DPP6: variants seen among roughly 807,000 people sequenced by gnomAD.
The protein encoded by DPP6 is dipeptidyl peptidase like 6.
DPP6 carries 69 observed loss-of-function variants against 122.6 expected under a neutral mutation model. The ratio of observed to expected loss-of-function variants is 0.56; its 90% confidence interval spans 0.46 to 0.69. The LOEUF (loss-of-function observed/expected upper bound fraction) is 0.69, where lower values mean the gene tolerates loss of function less well. Ranked by LOEUF, DPP6 falls within the 30% of genes least tolerant of loss-of-function variation. The pLI, the probability that DPP6 is intolerant of heterozygous loss-of-function variation, is 0.00. For missense variants in DPP6, 928 were observed against 1,116.9 expected, an observed-to-expected ratio of 0.83 and a Z score of 2.41; for synonymous variants, 418 against 433.1, an observed-to-expected ratio of 0.97 and a Z score of 0.43.
intron 1 of DPP6, among the ~76,000 whole-genome samples, chr7:154,098,300 G>A (rs1255218118): frequency 6.6e-6 from 1 of 152,144 alleles, no homozygotes; most frequent in African/African-American, 2.4e-5. Context: ...TGCCATGATT[G>A]TAAGTTTCCT....
intron 1 of DPP6, among the ~76,000 whole-genome samples, chr7:154,272,369 T>G (rs1054533541): frequency 1.1e-4 from 17 of 152,330 alleles, no homozygotes; most frequent in Middle Eastern, 3.4e-3. Context: ...CAGCTGTGGA[T>G]TTAGTTTCAT....
At chr7:154,277,083 T>C (rs1336638073) in intron 1 of DPP6, among the ~76,000 whole-genome samples, 3 of 152,176 alleles carry the variant, frequency 2.0e-5, no homozygotes, top group Non-Finnish European at 4.4e-5. Context: ...CACTTGTTTA[T>C]AGTATGAGCT....
chr7:154,376,883 C>A (rs751827295), intron 1 of DPP6, among the ~76,000 whole-genome samples: 2 of 152,148 alleles, frequency 1.3e-5, no homozygotes, highest in Non-Finnish European at 2.9e-5. Flanking sequence ...TTGTTTGGTA[C>A]AGTAGAAATC....
intron 1 of DPP6, among the ~76,000 whole-genome samples, chr7:154,155,770 C>T (rs1377182105): frequency 6.6e-5 from 10 of 152,238 alleles, no homozygotes; most frequent in Admixed American, 5.9e-4. Context: ...ACGGCTGGCC[C>T]TTGCCCCACT....
chr7:154,641,131 TC>T (rs1374709942), intron 6 of DPP6, among the ~76,000 whole-genome samples: 3 of 152,150 alleles, frequency 2.0e-5, no homozygotes, highest in African/African-American at 7.2e-5. Flanking sequence ...TTAGCTTCCT[TC>T]CTCCGATGGC....
At chr7:153,896,329 T>C (rs1170351222) in intron 1 of DPP6, among the ~76,000 whole-genome samples, 1 of 152,226 alleles carries the variant, frequency 6.6e-6, no homozygotes, top group Admixed American at 6.5e-5. Flanking sequence ...CTAGGGTATG[T>C]TCTGACTTCA....
intron 4 of DPP6, among the ~76,000 whole-genome samples, chr7:154,561,780 G>A (rs916359709): frequency 3.3e-5 from 5 of 151,872 alleles, no homozygotes; most frequent in Non-Finnish European, 7.4e-5. Flanking sequence ...TCAATCAAGA[G>A]CAAAGATAAT....
intron 1 of DPP6, among the ~76,000 whole-genome samples, chr7:154,179,321 G>A (rs1797962847): frequency 6.6e-6 from 1 of 152,184 alleles, no homozygotes; most frequent in Non-Finnish European, 1.5e-5. Context: ...CAAAATGAGA[G>A]TCCAAGAAGG....
chr7:154,732,842 G>A (rs1051238501), intron 8 of DPP6, among the ~76,000 whole-genome samples: 7 of 152,142 alleles, frequency 4.6e-5, no homozygotes, highest in African/African-American at 1.2e-4. Flanking sequence ...TGAGACTCTC[G>A]AAGCTGCCCC....
chr7:154,559,124 T>C (rs566231101), intron 4 of DPP6, among the ~76,000 whole-genome samples: 28 of 151,612 alleles, frequency 1.8e-4, no homozygotes, highest in African/African-American at 6.5e-4. Context: ...ACTGCTAAGA[T>C]AAATGTATTC....
chr7:154,248,664 G>A (rs1476286753), intron 1 of DPP6, among the ~76,000 whole-genome samples: 1 of 152,154 alleles, frequency 6.6e-6, no homozygotes, highest in African/African-American at 2.4e-5. Flanking sequence ...TCAGGAGTCT[G>A]AGAGCAATCT....
chr7:154,727,825 G>T lies in DPP6; in HGVS notation c.821G>T (p.Arg274Leu), dbSNP rs768668912. The change falls in exon 8 of 26, where the codon CGT becomes CTT. Residue 274 changes from arginine (R) to leucine (L), a missense_variant. Transcript: ENST00000377770. ...YCAHVGKQAI[R>L]VVSTGKEGVI... ...GCACATGTCGGGAAACAGGCCATCCGTGTGGTCTCCACTGGCAAGGAAGGT... is the reference window on the plus strand; with the variant it reads ...GCACATGTCGGGAAACAGGCCATCCTTGTGGTCTCCACTGGCAAGGAAGGT... 3 of 1,613,664 alleles carry T rather than the reference G, an allele frequency of 1.9e-6. No individual in the cohort carries two copies. The highest frequency in any genetic ancestry group is 2.5e-6 in the Non-Finnish European group (3 of 1,179,842).
At chr7:154,248,821 G>A (rs1027475505) in intron 1 of DPP6, among the ~76,000 whole-genome samples, 17 of 151,864 alleles carry the variant, frequency 1.1e-4, no homozygotes, top group East Asian at 5.8e-4. Context: ...AGCCGAGATT[G>A]CGCCACTGCA....
rs376317152 is a variant in DPP6 at position 154,214,953 on chromosome 7, C to T, written c.243+161890C>T. Among the ~76,000 whole-genome samples, 5 of 152,058 alleles carry T rather than the reference C, an allele frequency of 3.3e-5. No homozygotes were observed. The East Asian group carries it at 7.7e-4, about 24-fold the overall frequency. On this transcript the variant is annotated intron_variant, in intron 1 of 25. Coordinates refer to ENST00000377770, the MANE Select transcript of DPP6 (RefSeq NM_130797.4). ...ATGTGTCTTGCAGTGTTGTTGTAAG[C>T]CTTGATGCACTCTTTCCTAGTGTAC...
intron 1 of DPP6, among the ~76,000 whole-genome samples, chr7:154,232,305 G>T (rs1339327781): frequency 6.6e-6 from 1 of 152,176 alleles, no homozygotes; most frequent in Non-Finnish European, 1.5e-5. Context: ...AAACACAAGA[G>T]CCCAGAAACA....
At chr7:154,409,558 T>C (rs1022463233) in intron 1 of DPP6, among the ~76,000 whole-genome samples, 3 of 152,250 alleles carry the variant, frequency 2.0e-5, no homozygotes, top group Admixed American at 6.5e-5. Context: ...GTTTATATCG[T>C]GGCTCAAATG....
chr7:154,772,284 ATCT>A (rs1796293799), intron 9 of DPP6, among the ~76,000 whole-genome samples: 1 of 152,150 alleles, frequency 6.6e-6, no homozygotes, highest in Non-Finnish European at 1.5e-5. Context: ...AAACCTGAAC[ATCT>A]TCTGCAGGGT....
chr7:154,232,614 G>T (rs546977903), intron 1 of DPP6, among the ~76,000 whole-genome samples: 6 of 152,328 alleles, frequency 3.9e-5, no homozygotes, highest in Non-Finnish European at 7.3e-5. Flanking sequence ...TGGACACTGG[G>T]CAGCTCATCC....
intron 1 of DPP6, among the ~76,000 whole-genome samples, chr7:153,906,860 T>A (rs1298295000): frequency 6.6e-6 from 1 of 152,256 alleles, no homozygotes; most frequent in Non-Finnish European, 1.5e-5. Flanking sequence ...CCGAGTAGTA[T>A]TCCATCGTGT....
Sources: gnomAD v4.1 joint callset for allele counts (sites outside exome capture counted in the v4.1 genomes callset) on GRCh38, gnomAD v4.1.1 for gene constraint, MANE v1.5 for transcripts, NCBI Gene and HGNC (gene_info 2026-07-23, HGNC 2026-07-21) for gene names.